The following PCDHA2 variants were observed in gnomAD, a reference collection of about 807,000 sequenced individuals.
PCDHA2 encodes protocadherin alpha-2.
In PCDHA2, 58 loss-of-function variants were observed where a neutral mutation model predicts 66.0. The ratio of observed to expected loss-of-function variants is 0.88; its 90% CI spans 0.71 to 1.09. PCDHA2 has a LOEUF of 1.09. Among genes scored for constraint, PCDHA2 ranks in the 50% least tolerant of loss-of-function variants. The probability of loss-of-function intolerance (pLI) is 0.00; values close to 1 mark genes in which losing one functional copy is unlikely to be tolerated. For missense variants in PCDHA2, 1,267 were observed against 1,242.3 expected (o/e 1.02, Z -0.30); for synonymous variants, 634 against 554.0 (o/e 1.14, Z -2.03).
chr5:141,006,505 G>A (rs2098276412), intron 3 of PCDHA2, among the ~76,000 whole-genome samples: 2 of 152,020 alleles, frequency 1.3e-5, no homozygotes, highest in African/African-American at 4.8e-5. Flanking sequence ...GAGCCACCGC[G>A]CCTGGCTGTT....
At position 141,010,191 on chromosome 5, in the gene PCDHA2, C is replaced by T; in HGVS notation, c.*254C>T. 1 of 1,552,476 alleles carries T rather than the reference C, an allele frequency of 6.4e-7. No homozygotes were observed. The highest frequency in any genetic ancestry group is 1.4e-5 in the African/African-American group (1 of 73,166). ...AACCTAAAAAGCAGACCCAAGTTTCCTTTCTCCTCCGCCGCAAAGGAGAGG... is the reference window on the plus strand; with the variant it reads ...AACCTAAAAAGCAGACCCAAGTTTCTTTTCTCCTCCGCCGCAAAGGAGAGG... On this transcript the variant is annotated 3_prime_UTR_variant, in exon 4 of 4. Transcript: ENST00000526136.
At chr5:140,993,894 A>G (rs1267639459) in intron 3 of PCDHA2, among the ~76,000 whole-genome samples, 2 of 152,204 alleles carry the variant, frequency 1.3e-5, no homozygotes, top group African/African-American at 4.8e-5. Flanking sequence ...TGATGTCCAT[A>G]CAACAAAAAT....
At chr5:140,918,186 C>T (rs1177570782) in intron 1 of PCDHA2, among the ~76,000 whole-genome samples, 1 of 151,888 alleles carries the variant, frequency 6.6e-6, no homozygotes, top group Non-Finnish European at 1.5e-5. Flanking sequence ...TTGATTTGGC[C>T]CTCAGCTTGG....
chr5:140,855,103 T>C lies in PCDHA2; in HGVS notation c.2388+57751T>C. Among the ~76,000 whole-genome samples, 2 of 149,938 alleles carry C rather than the reference T, an allele frequency of 1.3e-5. 1 individual carries two copies. The highest frequency in any genetic ancestry group is 3.0e-5 in the Non-Finnish European group (2 of 67,096). On this transcript the variant is annotated intron_variant, in intron 1 of 3. Coordinates refer to ENST00000526136, the MANE Select transcript of PCDHA2 (RefSeq NM_018905.3). ...CCACTCTCAGCCTGTGCAGTAGCAA[T>C]AATTAAGGCATTCTATAGGTAATAA... is the stretch of plus-strand genomic sequence containing the variant.
intron 1 of PCDHA2, chr5:140,801,601 T>C (rs1554121563): frequency 1.9e-6 from 3 of 1,614,168 alleles, no homozygotes; most frequent in South Asian, 1.1e-5. Context: ...GTTTTTCCAA[T>C]GGCTGTAAAG....
At chr5:140,853,601 AG>A in intron 1 of PCDHA2, 1 of 987,492 alleles carries the variant, frequency 1.0e-6, no homozygotes, top group Non-Finnish European at 1.2e-6. Context: ...TTGAGAGCAA[AG>A]GGGGTGCTGT....
At chr5:140,877,435 G>A (rs1354877569) in intron 1 of PCDHA2, 1 of 1,613,736 alleles carries the variant, frequency 6.2e-7, no homozygotes, top group African/African-American at 1.3e-5. Context: ...GAAGGACCAC[G>A]GTGAGCCCGC....
intron 1 of PCDHA2, chr5:140,849,381 GA>G: frequency 6.6e-7 from 1 of 1,514,878 alleles, no homozygotes; most frequent in African/African-American, 1.5e-5. Flanking sequence ...GTTCCACATG[GA>G]CCCCTTAAGT....
chr5:140,823,100 T>C (rs1183844615), intron 1 of PCDHA2: 3 of 1,613,902 alleles, frequency 1.9e-6, no homozygotes, highest in African/African-American at 1.3e-5. Context: ...AGCGTGTCTG[T>C]GGAAGTGGCC....
At chr5:140,921,060 A>T (rs543644748) in intron 1 of PCDHA2, among the ~76,000 whole-genome samples, 11 of 152,040 alleles carry the variant, frequency 7.2e-5, no homozygotes, top group African/African-American at 2.7e-4. Flanking sequence ...GCTCACTCTA[A>T]CCTTGAACTC....
At chr5:140,913,610 A>C (rs1271705435) in intron 1 of PCDHA2, among the ~76,000 whole-genome samples, 2 of 151,906 alleles carry the variant, frequency 1.3e-5, no homozygotes, top group African/African-American at 4.8e-5. Flanking sequence ...TATTTTCTCT[A>C]CTAATTTTGG....
At chr5:140,946,631 T>TATACAC (rs57893927) in intron 1 of PCDHA2, among the ~76,000 whole-genome samples, 2 of 131,842 alleles carry the variant, frequency 1.5e-5, no homozygotes, top group Non-Finnish European at 3.1e-5. Flanking sequence ...TATATATATA[T>TATACAC]ACAATGGAAT....
In PCDHA2 at chr5:140,936,292, T is replaced by C. The variant is rs74627153; in HGVS notation, c.2389-42657T>C. Among the ~76,000 whole-genome samples the C allele has an allele frequency of 4.3e-3, 649 of 152,348 alleles. 6 individuals are homozygous for C. Among genetic ancestry groups the C allele is most frequent in the African/African-American group, 0.013 (538 of 41,592 alleles). On this transcript the variant is annotated intron_variant, in intron 1 of 3. Transcript: ENST00000526136. Reference sequence around the variant, plus strand: ...TATTCCTGTGTTTTCTTCTATAACATTGCTATCCAATAGAACTTTCTGACA... The same window carrying C: ...TATTCCTGTGTTTTCTTCTATAACACTGCTATCCAATAGAACTTTCTGACA...
At position 140,829,905 on chromosome 5, in the gene PCDHA2, C is replaced by T; in HGVS notation, c.2388+32553C>T. ...GTTGACGCCGACTCAGGCTACAACG[C>T]GTGGCTTTCGTATGAGCTGCAGCCC... On this transcript the variant is annotated intron_variant, in intron 1 of 3. Transcript: ENST00000526136. The T allele has an allele frequency of 6.2e-7, 1 of 1,613,982 alleles. No individual in the cohort carries two copies. Among genetic ancestry groups the T allele is most frequent in the East Asian group, 2.2e-5 (1 of 44,882 alleles).
intron 1 of PCDHA2, among the ~76,000 whole-genome samples, chr5:140,919,172 A>G (rs144962710): frequency 6.6e-6 from 1 of 152,282 alleles, no homozygotes; most frequent in African/African-American, 2.4e-5. Flanking sequence ...TTTAGTTGCT[A>G]TATCTTCCTG....
intron 1 of PCDHA2, chr5:140,841,564 T>C (rs2150318261): frequency 1.2e-6 from 2 of 1,613,882 alleles, no homozygotes; most frequent in South Asian, 1.1e-5. Flanking sequence ...GTCTGCAGAA[T>C]GGCATTTTGT....
chr5:140,906,957 G>T (rs1301709159), intron 1 of PCDHA2, among the ~76,000 whole-genome samples: 2 of 152,144 alleles, frequency 1.3e-5, no homozygotes, highest in Admixed American at 6.5e-5. Flanking sequence ...CCAGTTTAAT[G>T]GAATCGTGGT....
chr5:140,928,959 T>C (rs782250969), intron 1 of PCDHA2: 1 of 1,613,980 alleles, frequency 6.2e-7, no homozygotes, highest in South Asian at 1.1e-5. Context: ...TTGCCTTGGC[T>C]TGTATTTCCT....
chr5:140,997,380 C>T (rs1554255860), intron 3 of PCDHA2, among the ~76,000 whole-genome samples: 1 of 152,112 alleles, frequency 6.6e-6, no homozygotes. Flanking sequence ...ATATAGCATA[C>T]TACACACTTA....
Sources: allele counts gnomAD v4.1 joint callset (sites outside exome capture counted in the v4.1 genomes callset), GRCh38; gene constraint gnomAD v4.1.1; transcripts MANE v1.5; gene names NCBI Gene and HGNC (gene_info 2026-07-23, HGNC 2026-07-21).